The following SERGEF variants were observed in gnomAD, a reference collection of about 807,000 sequenced individuals.
The protein encoded by SERGEF is secretion-regulating guanine nucleotide exchange factor.
SERGEF carries 51 observed loss-of-function variants against 50.0 expected under a neutral mutation model. That is an observed-to-expected ratio of 1.02 (90% confidence interval 0.81 to 1.29). The LOEUF (loss-of-function observed/expected upper bound fraction) is 1.29, where lower values mean the gene tolerates loss of function less well. SERGEF is among the 50% of genes most tolerant of loss of function. SERGEF has a pLI of 0.00. For synonymous variants in SERGEF, 205 were observed against 212.4 expected, an observed-to-expected ratio of 0.97 and a Z score of 0.30; for missense variants, 521 against 557.0, an observed-to-expected ratio of 0.94 and a Z score of 0.65.
chr11:17,813,317 T>C (rs895396905), intron 10 of SERGEF, among the ~76,000 whole-genome samples: 1 of 152,178 alleles, frequency 6.6e-6, no homozygotes, highest in Non-Finnish European at 1.5e-5. Context: ...TATAAAAAGG[T>C]AGCTGAGGCC....
chr11:18,001,834 T>C (rs1853967755), intron 4 of SERGEF: 1 of 259,964 alleles, frequency 3.8e-6, no homozygotes, highest in East Asian at 1.1e-4. Context: ...TTAAAGGAAC[T>C]CTATAGCATA....
At chr11:17,890,533 G>A (rs540082) in intron 9 of SERGEF, among the ~76,000 whole-genome samples, 1 of 151,768 alleles carries the variant, frequency 6.6e-6, no homozygotes, top group South Asian at 2.1e-4. Flanking sequence ...ACTGAGGGAG[G>A]CTGTGAGCAG....
intron 10 of SERGEF, among the ~76,000 whole-genome samples, chr11:17,850,858 G>A (rs190623558): frequency 1.4e-4 from 21 of 152,282 alleles, no homozygotes; most frequent in Admixed American, 1.2e-3. Context: ...CACCACCAGG[G>A]GGGCAATTGT....
At chr11:17,850,526 T>A (rs956691742) in intron 10 of SERGEF, among the ~76,000 whole-genome samples, 44 of 152,206 alleles carry the variant, frequency 2.9e-4, no homozygotes, top group Non-Finnish European at 7.3e-5. Flanking sequence ...TAAATGGACA[T>A]CCTGCCAAGA....
At chr11:17,998,977 A>G (rs1853903696) in intron 5 of SERGEF, among the ~76,000 whole-genome samples, 1 of 152,216 alleles carries the variant, frequency 6.6e-6, no homozygotes, top group Admixed American at 6.5e-5. Flanking sequence ...ACAGATTAGT[A>G]CTGTGGTACA....
chr11:17,994,246 G>A (rs1290046515), intron 6 of SERGEF, among the ~76,000 whole-genome samples: 1 of 152,054 alleles, frequency 6.6e-6, no homozygotes, highest in Non-Finnish European at 1.5e-5. Flanking sequence ...AGGCCGAGAC[G>A]GGTGGATGAC....
chr11:17,845,548 GAC>G (rs1435498356), intron 10 of SERGEF, among the ~76,000 whole-genome samples: 2 of 152,204 alleles, frequency 1.3e-5, no homozygotes, highest in Non-Finnish European at 1.5e-5. Flanking sequence ...TACTAGGCAA[GAC>G]ACACCCTTCT....
At chr11:17,880,231 C>G (rs1193004654) in intron 9 of SERGEF, among the ~76,000 whole-genome samples, 5 of 152,188 alleles carry the variant, frequency 3.3e-5, no homozygotes, top group African/African-American at 1.2e-4. Context: ...AAGGCTGGCT[C>G]TGTGTCTGAT....
chr11:17,945,486 T>C (rs1173148545), intron 9 of SERGEF, among the ~76,000 whole-genome samples: 2 of 152,216 alleles, frequency 1.3e-5, no homozygotes, highest in South Asian at 2.1e-4. Flanking sequence ...ACTTTAACCA[T>C]ATTTCAAGTG....
intron 9 of SERGEF, among the ~76,000 whole-genome samples, chr11:17,915,992 T>C (rs1213593950): frequency 6.6e-6 from 1 of 152,240 alleles, no homozygotes; most frequent in Admixed American, 6.5e-5. Context: ...CAACAAGTGG[T>C]TGGCCACACT....
chr11:17,922,700 G>C (rs902631762), intron 9 of SERGEF, among the ~76,000 whole-genome samples: 1 of 152,162 alleles, frequency 6.6e-6, no homozygotes, highest in Non-Finnish European at 1.5e-5. Flanking sequence ...AATACTGCTC[G>C]TTCTTTTGTG....
At chr11:17,828,767 T>G in intron 10 of SERGEF, among the ~76,000 whole-genome samples, 1 of 152,158 alleles carries the variant, frequency 6.6e-6, no homozygotes, top group East Asian at 1.9e-4. Context: ...CAACATCTGA[T>G]TCCTTCACCT....
chr11:17,999,582 A>C (rs775193726), intron 5 of SERGEF: 1 of 456,204 alleles, frequency 2.2e-6, no homozygotes, highest in Non-Finnish European at 4.4e-6. Context: ...CCTTCAGTTC[A>C]AAAGGAGTAA....
chr11:17,814,038 A>C (rs2133837554), intron 10 of SERGEF, among the ~76,000 whole-genome samples: 1 of 152,358 alleles, frequency 6.6e-6, no homozygotes, highest in Non-Finnish European at 1.5e-5. Flanking sequence ...AACCTCTTCA[A>C]ACCTCAGCAA....
chr11:17,895,677 T>C (rs903056085), intron 9 of SERGEF, among the ~76,000 whole-genome samples: 1 of 152,162 alleles, frequency 6.6e-6, no homozygotes, highest in African/African-American at 2.4e-5. Flanking sequence ...AGTTTATTTA[T>C]TTTTTTAGGT....
At chr11:17,971,610 G>A (rs939889999) in intron 8 of SERGEF, among the ~76,000 whole-genome samples, 17 of 152,110 alleles carry the variant, frequency 1.1e-4, no homozygotes, top group Admixed American at 5.2e-4. Context: ...AAATGTTACC[G>A]CTCATTGACC....
At chr11:17,878,462 A>C (rs1253640181) in intron 9 of SERGEF, among the ~76,000 whole-genome samples, 1 of 152,244 alleles carries the variant, frequency 6.6e-6, no homozygotes, top group East Asian at 1.9e-4. Flanking sequence ...AATTCATCAG[A>C]TATTAAAGTT....
chr11:17,874,555 A>C (rs1013651781), intron 10 of SERGEF, among the ~76,000 whole-genome samples: 11 of 152,382 alleles, frequency 7.2e-5, no homozygotes, highest in African/African-American at 2.6e-4. Context: ...TTTCAAAAGA[A>C]GGGGAACAAA....
chr11:17,912,466 G>A (rs1301427458), intron 9 of SERGEF, among the ~76,000 whole-genome samples: 1 of 152,132 alleles, frequency 6.6e-6, no homozygotes, highest in South Asian at 2.1e-4. Flanking sequence ...ATCATTGAGG[G>A]AAGCTGGGTG....
Sources: gnomAD v4.1 joint callset for allele counts (sites outside exome capture counted in the v4.1 genomes callset) on GRCh38, gnomAD v4.1.1 for gene constraint, MANE v1.5 for transcripts, NCBI Gene and HGNC (gene_info 2026-07-23, HGNC 2026-07-21) for gene names.